THSD7B: variants seen among roughly 807,000 people sequenced by gnomAD.
THSD7B encodes the protein thrombospondin type-1 domain-containing protein 7B.
THSD7B carries 138 observed loss-of-function variants against 213.6 expected under a neutral mutation model. That is an observed-to-expected ratio of 0.65 (90% CI 0.56 to 0.74). The LOEUF is 0.74. Among genes scored for constraint, THSD7B ranks in the 30% least tolerant of loss-of-function variants. The probability of loss-of-function intolerance (pLI) is 0.00; values close to 1 mark genes in which losing one functional copy is unlikely to be tolerated. For synonymous variants in THSD7B, 742 were observed against 687.0 expected (o/e 1.08, Z -1.25); for missense variants, 1,931 against 1,991.5 (o/e 0.97, Z 0.58).
At chr2:137,423,219 T>C (rs924251749) in intron 14 of THSD7B, among the ~76,000 whole-genome samples, 2 of 152,076 alleles carry the variant, frequency 1.3e-5, no homozygotes, top group Non-Finnish European at 2.9e-5. Flanking sequence ...TCAATCTTCC[T>C]GAGATCAGGG....
chr2:136,888,092 A>C (rs1683750410), intron 2 of THSD7B, among the ~76,000 whole-genome samples: 1 of 152,166 alleles, frequency 6.6e-6, no homozygotes, highest in Non-Finnish European at 1.5e-5. Context: ...CTTCTCTTAG[A>C]CATACAAAAA....
At chr2:137,329,920 A>T (rs1286773555) in intron 12 of THSD7B, among the ~76,000 whole-genome samples, 1 of 152,140 alleles carries the variant, frequency 6.6e-6, no homozygotes, top group Non-Finnish European at 1.5e-5. Context: ...AGGAGGGAAA[A>T]ATGGTTTCCT....
chr2:136,919,596 C>G (rs898063649), intron 2 of THSD7B, among the ~76,000 whole-genome samples: 4 of 152,246 alleles, frequency 2.6e-5, no homozygotes, highest in Non-Finnish European at 4.4e-5. Flanking sequence ...GGACTTTTCT[C>G]TCTGTCACAG....
chr2:137,485,854 G>GAA (rs1215744130), intron 15 of THSD7B, among the ~76,000 whole-genome samples: 3 of 152,062 alleles, frequency 2.0e-5, no homozygotes, highest in African/African-American at 7.2e-5. Context: ...CATTCTTAAA[G>GAA]AAAAGAATTT....
At chr2:136,965,255 A>C (rs965701693) in intron 2 of THSD7B, among the ~76,000 whole-genome samples, 1 of 152,164 alleles carries the variant, frequency 6.6e-6, no homozygotes, top group African/African-American at 2.4e-5. Context: ...TTTTCTAGGC[A>C]CTGGAGCTCA....
Position 137,149,490 on chromosome 2 carries a change from T to C in THSD7B, c.1370-10723T>C, listed in dbSNP as rs113162784. Among the ~76,000 whole-genome samples, 957 of 152,302 alleles carry C rather than the reference T, an allele frequency of 6.3e-3. 13 individuals are homozygous for C. Among genetic ancestry groups the C allele is most frequent in the African/African-American group, 0.02 (834 of 41,576 alleles). ...TGGGACCTAGTGAATCCCATGAGCC[T>C]TCCTGTTCTCTGTACCTGGAAAAGC... On this transcript the variant is annotated intron_variant, in intron 5 of 27. Coordinates refer to ENST00000409968, the MANE Select transcript of THSD7B (RefSeq NM_001316349.2).
intron 12 of THSD7B, among the ~76,000 whole-genome samples, chr2:137,292,859 C>T (rs1203577707): frequency 6.6e-6 from 1 of 152,078 alleles, no homozygotes; most frequent in Admixed American, 6.6e-5. Flanking sequence ...ATCATAACTT[C>T]CTCATTAGTT....
chr2:136,856,517 ATTT>A, intron 1 of THSD7B, among the ~76,000 whole-genome samples: 1 of 140,392 alleles, frequency 7.1e-6, no homozygotes, highest in East Asian at 2.0e-4. Context: ...AATGAGCTGG[ATTT>A]TTTTTTTTTT....
chr2:137,243,363 G>A (rs1479105545), intron 10 of THSD7B, among the ~76,000 whole-genome samples: 6 of 152,120 alleles, frequency 3.9e-5, no homozygotes, highest in African/African-American at 1.2e-4. Context: ...TCTTACCATT[G>A]CATGGTTACA....
At chr2:137,632,876 A>G (rs1314284704) in intron 20 of THSD7B, among the ~76,000 whole-genome samples, 2 of 152,160 alleles carry the variant, frequency 1.3e-5, no homozygotes, top group African/African-American at 4.8e-5. Context: ...TGAAAAGCCT[A>G]TAGAATGTTT....
intron 1 of THSD7B, among the ~76,000 whole-genome samples, chr2:136,800,701 CTT>C (rs35363403): frequency 0.22 from 34,055 of 151,442 alleles, 4,678 homozygotes; most frequent in Non-Finnish European, 0.31. Context: ...GTAATTTTTT[CTT>C]GTTTTCCATG....
intron 5 of THSD7B, among the ~76,000 whole-genome samples, chr2:137,147,772 A>C (rs1440389551): frequency 6.6e-6 from 1 of 152,170 alleles, no homozygotes; most frequent in African/African-American, 2.4e-5. Flanking sequence ...GAAGTCTACG[A>C]GACCTAGCTC....
At chr2:137,361,631 A>C (rs1251940122) in intron 12 of THSD7B, among the ~76,000 whole-genome samples, 2 of 152,170 alleles carry the variant, frequency 1.3e-5, no homozygotes, top group Non-Finnish European at 2.9e-5. Context: ...GGAAGGGTAT[A>C]AGTGATTGAA....
At chr2:137,348,073 A>G (rs1441631741) in intron 12 of THSD7B, among the ~76,000 whole-genome samples, 1 of 151,706 alleles carries the variant, frequency 6.6e-6, no homozygotes, top group East Asian at 1.9e-4. Context: ...TGTAAATTCA[A>G]CAATGTGGAA....
chr2:137,565,818 G>A (rs1338690421), intron 16 of THSD7B, among the ~76,000 whole-genome samples: 1 of 152,018 alleles, frequency 6.6e-6, no homozygotes, highest in African/African-American at 2.4e-5. Context: ...TCATCATGGT[G>A]GCTCCACTCT....
Position 137,417,024 on chromosome 2 carries a change from A to T in THSD7B, c.2959+5152A>T, listed in dbSNP as rs375612742. ...AATCATAATTGATTTGTAGGCAATGAATTATTTTCATTAGTATATCATCCA... is the reference window on the plus strand; with the variant it reads ...AATCATAATTGATTTGTAGGCAATGTATTATTTTCATTAGTATATCATCCA... On this transcript the variant is annotated intron_variant, in intron 14 of 27. Coordinates refer to ENST00000409968, the MANE Select transcript of THSD7B (RefSeq NM_001316349.2). Among the ~76,000 whole-genome samples, 14 of 152,348 alleles carry T rather than the reference A, an allele frequency of 9.2e-5. No individual in the cohort carries two copies. In the South Asian group the frequency reaches 2.9e-3, roughly 32 times the overall value.
intron 5 of THSD7B, among the ~76,000 whole-genome samples, chr2:137,158,394 A>T (rs531036951): frequency 3.9e-4 from 59 of 152,116 alleles, no homozygotes; most frequent in African/African-American, 1.4e-3. Flanking sequence ...ATCCCTTTAC[A>T]TTCCCCTAAT....
intron 12 of THSD7B, among the ~76,000 whole-genome samples, chr2:137,310,679 G>T (rs1243764606): frequency 6.6e-6 from 1 of 152,084 alleles, no homozygotes; most frequent in Admixed American, 6.5e-5. Flanking sequence ...ATTGATTTTT[G>T]TATAAGGCAT....
Position 137,213,188 on chromosome 2 carries a change from T to C in THSD7B, c.1724-17856T>C, listed in dbSNP as rs1335801896. Among the ~76,000 whole-genome samples, 4 of 151,586 alleles carry C rather than the reference T, an allele frequency of 2.6e-5. No individual in the cohort carries two copies. The South Asian group carries it at 6.2e-4, about 24-fold the overall frequency. On this transcript the variant is annotated intron_variant, in intron 7 of 27. Coordinates refer to ENST00000409968, the MANE Select transcript of THSD7B (RefSeq NM_001316349.2). ...TGTACCCTTTGGTCTTAACATTTTC[T>C]GTGGCTTTTAAAATTTATATTTCAT...
Sources: gnomAD v4.1 joint callset for allele counts (sites outside exome capture counted in the v4.1 genomes callset) on GRCh38, gnomAD v4.1.1 for gene constraint, MANE v1.5 for transcripts, NCBI Gene and HGNC (gene_info 2026-07-23, HGNC 2026-07-21) for gene names.